The following PSD3 variants were observed in gnomAD, a reference collection of about 807,000 sequenced individuals.
PSD3 encodes the protein pleckstrin and Sec7 domain containing 3, also known as PH and SEC7 domain-containing protein 3.
A neutral mutation model predicts 105.5 loss-of-function variants in PSD3; 49 were observed. That is an observed-to-expected ratio of 0.46 (90% CI 0.37 to 0.59). PSD3 has a LOEUF of 0.59. Among genes scored for constraint, PSD3 ranks in the 20% least tolerant of loss-of-function variants. The pLI, the probability that PSD3 is intolerant of heterozygous loss-of-function variation, is 0.00. For synonymous variants in PSD3, 557 were observed against 457.8 expected, an observed-to-expected ratio of 1.22 and a Z score of -2.77; for missense variants, 1,561 against 1,263.8, an observed-to-expected ratio of 1.24 and a Z score of -3.57.
intron 10 of PSD3, among the ~76,000 whole-genome samples, chr8:18,638,693 C>T (rs1230971600): frequency 6.6e-6 from 1 of 152,020 alleles, no homozygotes; most frequent in Admixed American, 6.6e-5. Context: ...TTAAAATATA[C>T]CTAGTAACCA....
chr8:18,925,624 C>A (rs1209150090), intron 2 of PSD3, among the ~76,000 whole-genome samples: 2 of 151,986 alleles, frequency 1.3e-5, no homozygotes, highest in Non-Finnish European at 2.9e-5. Context: ...AAAAAAGTGC[C>A]CATAGACAAC....
intron 14 of PSD3, among the ~76,000 whole-genome samples, chr8:18,563,195 G>T (rs186255110): frequency 2.0e-5 from 3 of 152,288 alleles, no homozygotes; most frequent in Admixed American, 6.5e-5. Context: ...TTGGTTTATA[G>T]ACATTACCTG....
chr8:18,652,920 T>C (rs1405923881), intron 10 of PSD3, among the ~76,000 whole-genome samples: 1 of 152,194 alleles, frequency 6.6e-6, no homozygotes. Flanking sequence ...AAAAATAAGA[T>C]TCAGTGATTT....
In PSD3 at chr8:18,727,449, G is replaced by A. The variant is rs140090913; in HGVS notation, c.2172+38000C>T. ...TCCTTGAGCCTGGGAGGTGGAGGCT[G>A]CAGTAAGCCACGATTGTGCCACTGC... is the stretch of plus-strand genomic sequence containing the variant. On this transcript the variant is annotated intron_variant, in intron 9 of 15. Coordinates refer to ENST00000327040, the MANE Select transcript of PSD3 (RefSeq NM_015310.4). 5.2e-3 allele frequency among the ~76,000 whole-genome samples: 793 copies of A among 151,192 alleles called. 3 individuals are homozygous for A. The highest frequency in any genetic ancestry group is 8.5e-3 in the Non-Finnish European group (575 of 67,910).
chr8:18,965,316 A>C (rs1309003302), intron 1 of PSD3, among the ~76,000 whole-genome samples: 1 of 152,182 alleles, frequency 6.6e-6, no homozygotes. Flanking sequence ...ATGTATGAGC[A>C]CATCATGCCA....
chr8:18,572,583 G>C lies in PSD3; in HGVS notation c.2729C>G (p.Ser910Cys). ...AAGTGGGCGGCTAAACTTCTTCTGA[G>C]AGCCGATTGCTGCTGGAAATGGTGG... ...SAPPFPAAIG[S>C]QKKFSRPLLP... Residue 910 changes from serine (S) to cysteine (C), a missense_variant, in exon 14 of 16, where the codon TCT (serine) becomes TGT (cysteine). By Grantham distance (112) the Ser-to-Cys change is moderately radical (BLOSUM62 -1). Coordinates refer to ENST00000327040, the MANE Select transcript of PSD3 (RefSeq NM_015310.4). 1.9e-6 allele frequency: 3 copies of C among 1,614,118 alleles called. No individual in the cohort carries two copies. Among genetic ancestry groups the C allele is most frequent in the Non-Finnish European group, 2.5e-6 (3 of 1,179,972 alleles).
intron 9 of PSD3, among the ~76,000 whole-genome samples, chr8:18,718,352 TAAA>T (rs1416764587): frequency 6.6e-6 from 1 of 152,248 alleles, no homozygotes; most frequent in Non-Finnish European, 1.5e-5. Flanking sequence ...TAGGGAATTA[TAAA>T]AGAAGATTTG....
exon 1 of PSD3, chr8:19,084,498 C>T (rs746788314): frequency 2.0e-5 from 9 of 439,704 alleles, no homozygotes; most frequent in South Asian, 1.5e-4. Flanking sequence ...GTGCTTCCAG[C>T]CCATGGAGGG....
At chr8:18,902,642 C>G (rs1444541771) in intron 2 of PSD3, among the ~76,000 whole-genome samples, 8 of 152,182 alleles carry the variant, frequency 5.3e-5, no homozygotes, top group Non-Finnish European at 2.9e-5. Flanking sequence ...CTCTTCCAAA[C>G]TTACTAGACT....
At chr8:19,010,779 C>A (rs977384412) in intron 1 of PSD3, among the ~76,000 whole-genome samples, 2 of 152,064 alleles carry the variant, frequency 1.3e-5, no homozygotes, top group African/African-American at 4.8e-5. Context: ...GGATCCTGTA[C>A]TCTCCTAAAT....
chr8:18,690,687 T>A (rs1800926237), intron 9 of PSD3, among the ~76,000 whole-genome samples: 4 of 152,150 alleles, frequency 2.6e-5, no homozygotes, highest in African/African-American at 9.7e-5. Flanking sequence ...ACCACCGCTT[T>A]CCTAAACGGG....
chr8:18,679,675 A>G (rs564924139), intron 9 of PSD3, among the ~76,000 whole-genome samples: 31 of 152,320 alleles, frequency 2.0e-4, no homozygotes, highest in Non-Finnish European at 3.8e-4. Flanking sequence ...TAACTTGTCT[A>G]GGTGAACATT....
chr8:18,755,284 G>C (rs1363929715), intron 9 of PSD3, among the ~76,000 whole-genome samples: 2 of 151,974 alleles, frequency 1.3e-5, no homozygotes, highest in East Asian at 3.9e-4. Context: ...ACAAAAATTA[G>C]CCAGGCGTGG....
Position 18,575,151 on chromosome 8 carries a change from C to G in PSD3, c.2616G>C (p.Trp872Cys). The change falls in exon 13 of 16, where the codon TGG (tryptophan) becomes TGC (cysteine). Residue 872 changes from tryptophan (W) to cysteine (C), a missense_variant. Coordinates refer to ENST00000327040, the MANE Select transcript of PSD3 (RefSeq NM_015310.4). ...ACTGAGTTTGAAAAAGCAAGACCCTCCAGTCGGCAGTTTTAAGTTTAAACA... is the reference window on the plus strand; with the variant it reads ...ACTGAGTTTGAAAAAGCAAGACCCTGCAGTCGGCAGTTTTAAGTTTAAACA... The part of the protein sequence containing the change: ...PNVFKLKTAD[W>C]RVLLFQTQSP... The G allele has an allele frequency of 6.2e-7, 1 of 1,613,238 alleles. No individual in the cohort carries two copies. The highest frequency in any genetic ancestry group is 1.1e-5 in the South Asian group (1 of 90,864).
At chr8:18,835,166 T>C (rs1333894343) in intron 4 of PSD3, among the ~76,000 whole-genome samples, 3 of 152,218 alleles carry the variant, frequency 2.0e-5, no homozygotes, top group Non-Finnish European at 4.4e-5. Flanking sequence ...TCTTAAAATA[T>C]GCATATCCTA....
chr8:18,836,173 T>A (rs1054321330), intron 4 of PSD3, among the ~76,000 whole-genome samples: 8 of 152,154 alleles, frequency 5.3e-5, no homozygotes, highest in Non-Finnish European at 1.0e-4. Context: ...GACTCCCGCA[T>A]TTAATGGGCT....
intron 10 of PSD3, among the ~76,000 whole-genome samples, chr8:18,651,222 C>T (rs76803769): frequency 1.2e-3 from 184 of 152,318 alleles, no homozygotes; most frequent in African/African-American, 4.2e-3. Flanking sequence ...CCCAAGGCAT[C>T]TCCCTGTAAC....
At chr8:18,765,178 G>A (rs1029413758) in intron 9 of PSD3, among the ~76,000 whole-genome samples, 2 of 151,964 alleles carry the variant, frequency 1.3e-5, no homozygotes, top group Admixed American at 6.6e-5. Context: ...CAAATAAATC[G>A]AACAAAAACT....
chr8:18,944,148 G>A (rs1235561118), intron 1 of PSD3, among the ~76,000 whole-genome samples: 2 of 152,154 alleles, frequency 1.3e-5, no homozygotes, highest in Non-Finnish European at 2.9e-5. Context: ...TTATCTTCAT[G>A]TTTCATGAGG....
Sources: gnomAD v4.1 joint callset for allele counts (sites outside exome capture counted in the v4.1 genomes callset) on GRCh38, gnomAD v4.1.1 for gene constraint, MANE v1.5 for transcripts, NCBI Gene and HGNC (gene_info 2026-07-23, HGNC 2026-07-21) for gene names.